The following RGS6 variants were observed in gnomAD, a reference collection of about 807,000 sequenced individuals.
RGS6 encodes regulator of G protein signaling 6.
RGS6 carries 30 observed loss-of-function variants against 78.5 expected under a neutral mutation model. The ratio of observed to expected loss-of-function variants is 0.38; its 90% CI spans 0.29 to 0.52. The LOEUF is 0.52. Among genes scored for constraint, RGS6 ranks in the 20% least tolerant of loss-of-function variants. RGS6 has a pLI of 0.85. For missense variants in RGS6, 495 were observed against 609.7 expected (o/e 0.81, Z 1.98); for synonymous variants, 206 against 206.0 (o/e 1.00, Z 0.00).
chr14:71,916,982 G>A, the RGS6 span, among the ~76,000 whole-genome samples: 1 of 152,190 alleles, frequency 6.6e-6, no homozygotes, highest in Admixed American at 6.5e-5. Flanking sequence ...CCCTAGCCAG[G>A]CAAGAGAATG....
At chr14:72,558,757 C>T (rs192425808) in intron 17 of RGS6, among the ~76,000 whole-genome samples, 16 of 152,314 alleles carry the variant, frequency 1.1e-4, no homozygotes, top group South Asian at 2.1e-4. Flanking sequence ...CCAAATTCTA[C>T]TGGATTACAC....
chr14:72,422,010 CG>C (rs2094207663), intron 3 of RGS6, among the ~76,000 whole-genome samples: 1 of 152,144 alleles, frequency 6.6e-6, no homozygotes, highest in Non-Finnish European at 1.5e-5. Flanking sequence ...TTGAATCATG[CG>C]GGCAGGTCTT....
chr14:72,402,102 C>T (rs2092463604), intron 3 of RGS6, among the ~76,000 whole-genome samples: 1 of 152,112 alleles, frequency 6.6e-6, no homozygotes, highest in South Asian at 2.1e-4. Flanking sequence ...GGGAGCTGAC[C>T]CACTGTCTGC....
chr14:72,233,113 C>T (rs1374545282), intron 2 of RGS6, among the ~76,000 whole-genome samples: 1 of 152,138 alleles, frequency 6.6e-6, no homozygotes, highest in Non-Finnish European at 1.5e-5. Flanking sequence ...GGGAGCAGGC[C>T]CCAGAAGGTC....
intron 3 of RGS6, among the ~76,000 whole-genome samples, chr14:72,398,425 A>G (rs7142274): frequency 6.8e-4 from 103 of 152,152 alleles, no homozygotes; most frequent in African/African-American, 2.3e-3. Flanking sequence ...TATTACATCT[A>G]TTTGATTCTT....
intron 2 of RGS6, among the ~76,000 whole-genome samples, chr14:72,291,530 C>T (rs1203553759): frequency 6.6e-6 from 1 of 152,218 alleles, no homozygotes; most frequent in Non-Finnish European, 1.5e-5. Context: ...GGCTTGATCT[C>T]TGTCTTATTC....
At chr14:72,377,274 C>T (rs1458990926) in intron 3 of RGS6, among the ~76,000 whole-genome samples, 2 of 152,114 alleles carry the variant, frequency 1.3e-5, no homozygotes, top group South Asian at 2.1e-4. Context: ...ACAAAACACA[C>T]TTCAAGACAA....
chr14:72,072,474 A>AT (rs1173846634), intron 2 of RGS6, among the ~76,000 whole-genome samples: 1 of 151,904 alleles, frequency 6.6e-6, no homozygotes, highest in Non-Finnish European at 1.5e-5. Context: ...TGCCCGGCTA[A>AT]TTTTTTGTAT....
intron 2 of RGS6, among the ~76,000 whole-genome samples, chr14:72,044,053 A>C (rs919750784): frequency 2.2e-4 from 33 of 151,972 alleles, no homozygotes; most frequent in African/African-American, 8.0e-4. Flanking sequence ...GCTATCTTCA[A>C]GTTCTCTGAT....
At chr14:72,013,264 C>T (rs2086193993) in intron 2 of RGS6, among the ~76,000 whole-genome samples, 1 of 106,956 alleles carries the variant, frequency 9.3e-6, no homozygotes, top group Non-Finnish European at 1.8e-5. Flanking sequence ...GAACAAGACT[C>T]CGTCTCCAAA....
At chr14:72,489,890 C>A (rs1225873425) in intron 12 of RGS6, among the ~76,000 whole-genome samples, 3 of 152,196 alleles carry the variant, frequency 2.0e-5, no homozygotes, top group Non-Finnish European at 4.4e-5. Flanking sequence ...TATTGCAGCC[C>A]TAGAAAACTA....
At chr14:72,044,896 A>G (rs1269738358) in intron 2 of RGS6, among the ~76,000 whole-genome samples, 5 of 151,868 alleles carry the variant, frequency 3.3e-5, no homozygotes, top group African/African-American at 1.2e-4. Flanking sequence ...AACCAAACTA[A>G]CAAAAAAACC....
chr14:72,591,978 G>A, the RGS6 span, among the ~76,000 whole-genome samples: 2 of 152,168 alleles, frequency 1.3e-5, no homozygotes, highest in Non-Finnish European at 2.9e-5. Context: ...TGGAAAGTCA[G>A]TTCAGTTTGT....
intron 17 of RGS6, chr14:72,550,713 C>A: frequency 1.5e-6 from 2 of 1,356,400 alleles, no homozygotes; most frequent in Non-Finnish European, 1.9e-6. Flanking sequence ...GGTGGTTTTA[C>A]ACCTGATGGA....
At chr14:72,414,689 G>A (rs1597166817) in intron 3 of RGS6, among the ~76,000 whole-genome samples, 2 of 152,164 alleles carry the variant, frequency 1.3e-5, no homozygotes, top group East Asian at 3.9e-4. Context: ...CCATCTTTGT[G>A]GTTTTATCTA....
intron 2 of RGS6, among the ~76,000 whole-genome samples, chr14:72,283,729 G>A (rs911462419): frequency 5.9e-5 from 9 of 152,152 alleles, no homozygotes; most frequent in South Asian, 2.1e-4. Flanking sequence ...TTGGCACTGC[G>A]AGGGTAGGGA....
chr14:72,007,027 C>CA (rs35651129), intron 2 of RGS6, among the ~76,000 whole-genome samples: 20,855 of 150,248 alleles, frequency 0.14, 1,655 homozygotes, highest in East Asian at 0.2. Flanking sequence ...TACGTAGTGG[C>CA]AAAAAAAAGA....
At chr14:72,228,439 A>G (rs1417848999) in intron 2 of RGS6, among the ~76,000 whole-genome samples, 3 of 152,186 alleles carry the variant, frequency 2.0e-5, no homozygotes, top group African/African-American at 4.8e-5. Context: ...CATGTTAACA[A>G]ATACGTTCAT....
chr14:72,065,075 T>G (rs1250913400), intron 2 of RGS6, among the ~76,000 whole-genome samples: 2 of 152,162 alleles, frequency 1.3e-5, no homozygotes, highest in Non-Finnish European at 2.9e-5. Flanking sequence ...TAGGGGAAAT[T>G]TTACCAATGA....
Sources: gnomAD v4.1 joint callset for allele counts (sites outside exome capture counted in the v4.1 genomes callset) on GRCh38, gnomAD v4.1.1 for gene constraint, MANE v1.5 for transcripts, NCBI Gene and HGNC (gene_info 2026-07-23, HGNC 2026-07-21) for gene names.